CFAP47: variants seen among roughly 807,000 people sequenced by gnomAD.
CFAP47 encodes cilia- and flagella-associated protein 47.
Under a neutral mutation model 148.1 loss-of-function variants are expected in CFAP47, and 29 were observed. The ratio of observed to expected loss-of-function variants is 0.20; its 90% CI spans 0.15 to 0.27. The LOEUF is 0.27. CFAP47 is among the 10% of genes least tolerant of loss of function. The pLI is 1.00. For missense variants in CFAP47, 1,872 were observed against 1,697.5 expected (o/e 1.10, Z -1.81); for synonymous variants, 664 against 577.3 (o/e 1.15, Z -2.15).
rs138382744 is a variant in CFAP47 at position 36,310,219 on chromosome X, A to C, written c.8188-614A>C. On this transcript the variant is annotated intron_variant, in intron 55 of 63. Coordinates refer to ENST00000378653, the MANE Select transcript of CFAP47 (RefSeq NM_001304548.2). Reference sequence around the variant, plus strand: ...TATCCTAAAATACAAAGAGATTTTCAAACAGAGCTTTACATGCTAATGAAA... The same window carrying C: ...TATCCTAAAATACAAAGAGATTTTCCAACAGAGCTTTACATGCTAATGAAA... Among the ~76,000 whole-genome samples, 529 of 111,259 alleles carry C rather than the reference A, an allele frequency of 4.8e-3. 5 individuals carry two copies. The highest frequency in any genetic ancestry group is 0.016 in the African/African-American group (486 of 30,865).
intron 39 of CFAP47, among the ~76,000 whole-genome samples, chrX:36,173,219 T>C (rs1334662232): frequency 8.9e-6 from 1 of 111,820 alleles, no homozygotes; most frequent in African/African-American, 3.3e-5. Flanking sequence ...GCTAGCAGTC[T>C]ATCAATTTTG....
chrX:36,175,703 AG>A (rs1939664475), intron 39 of CFAP47, among the ~76,000 whole-genome samples: 1 of 112,202 alleles, frequency 8.9e-6, no homozygotes, highest in Non-Finnish European at 1.9e-5. Flanking sequence ...TTTTCTTCAA[AG>A]CTGTCAGACA....
intron 45 of CFAP47, among the ~76,000 whole-genome samples, chrX:36,208,205 T>C (rs1555989010): frequency 2.7e-5 from 3 of 112,136 alleles, no homozygotes. Flanking sequence ...AAATATTCAC[T>C]AATAATTAGC....
At chrX:36,113,172 T>G (rs1368967706) in intron 33 of CFAP47, among the ~76,000 whole-genome samples, 1 of 112,140 alleles carries the variant, frequency 8.9e-6, no homozygotes, top group Non-Finnish European at 1.9e-5. Context: ...GTTTGTGTGG[T>G]TGCTTTATAG....
intron 62 of CFAP47, among the ~76,000 whole-genome samples, chrX:36,368,851 A>T (rs782724008): frequency 9.0e-6 from 1 of 111,342 alleles, no homozygotes; most frequent in South Asian, 3.8e-4. Flanking sequence ...GTTATTATGT[A>T]TTTTTTCATA....
Position 36,047,029 on chromosome X carries a change from A to G in CFAP47, c.4183A>G (p.Thr1395Ala). The stretch of plus-strand genomic sequence containing the variant: ...GTCATCTAAACCTGTGTCATTTTTT[A>G]CCAATCTTCTTTTCTGTGATGACAG... The part of the protein sequence containing the change: ...FKSSKPVSFF[T>A]NLLFCDDRKN... The change falls in exon 26 of 64, where the codon ACC (threonine) becomes GCC (alanine). Residue 1395 changes from threonine (T) to alanine (A), a missense_variant. Thr to Ala is a moderately conservative substitution (Grantham distance 58). Transcript: ENST00000378653. The G allele has an allele frequency of 8.6e-7, 1 of 1,162,345 alleles. No individual in the cohort carries two copies. The highest frequency in any genetic ancestry group is 1.9e-5 in the South Asian group (1 of 52,490).
intron 62 of CFAP47, chrX:36,374,778 A>G: frequency 9.0e-6 from 6 of 669,057 alleles, no homozygotes; most frequent in African/African-American, 2.2e-5. Context: ...TTATTTGTAA[A>G]TATGTATTAC....
intron 37 of CFAP47, among the ~76,000 whole-genome samples, chrX:36,155,385 G>T (rs1202901026): frequency 9.0e-6 from 1 of 111,520 alleles, no homozygotes; most frequent in Admixed American, 9.6e-5. Context: ...ATGTCAATTG[G>T]TAGGCTTCAC....
chrX:36,060,599 C>T (rs989939326), intron 26 of CFAP47, among the ~76,000 whole-genome samples: 6 of 111,842 alleles, frequency 5.4e-5, no homozygotes, highest in African/African-American at 1.3e-4. Flanking sequence ...ATGGATCTCT[C>T]ATGTGATCTG....
intron 15 of CFAP47, among the ~76,000 whole-genome samples, chrX:35,978,654 G>T (rs759809996): frequency 9.0e-6 from 1 of 111,638 alleles, no homozygotes; most frequent in Admixed American, 9.5e-5. Context: ...AAAAGTGTTT[G>T]TAATTTGTAG....
intron 50 of CFAP47, 103 bp downstream of exon 50, chrX:36,280,733 A>T: frequency 3.0e-6 from 1 of 336,323 alleles, no homozygotes; most frequent in South Asian, 8.4e-5. Context: ...ACATATCCAA[A>T]TTTGTATTGC....
intron 3 of CFAP47, among the ~76,000 whole-genome samples, chrX:35,945,111 G>A (rs185309896): frequency 1.8e-5 from 2 of 111,435 alleles, no homozygotes; most frequent in Admixed American, 1.9e-4. Context: ...GGGAGGCCCT[G>A]GGTAAGGAAT....
intron 59 of CFAP47, 118 bp downstream of exon 59, chrX:36,350,250 T>A: frequency 1.2e-5 from 5 of 407,355 alleles, no homozygotes; most frequent in Non-Finnish European, 1.7e-5. Context: ...ACAGTCCTAC[T>A]GGTGGGCATT....
At chrX:36,025,931 AT>A (rs1360850231) in intron 22 of CFAP47, among the ~76,000 whole-genome samples, 6 of 111,768 alleles carry the variant, frequency 5.4e-5, no homozygotes, top group African/African-American at 2.0e-4. Flanking sequence ...TGTTAAATTT[AT>A]GGAAAATCTC....
intron 49 of CFAP47, 61 bp downstream of exon 49, chrX:36,251,505 T>G: frequency 2.3e-6 from 1 of 431,154 alleles, no homozygotes; most frequent in Non-Finnish European, 4.1e-6. Flanking sequence ...GGAAATATGA[T>G]GAGACAAATA....
In CFAP47 at chrX:36,046,988, G is replaced by A; in HGVS notation, c.4142G>A (p.Cys1381Tyr). The A allele has an allele frequency of 8.6e-7, 1 of 1,164,632 alleles. No individual in the cohort carries two copies. The highest frequency in any genetic ancestry group is 1.1e-6 in the Non-Finnish European group (1 of 871,330). The change falls in exon 26 of 64, where the codon TGC becomes TAC. Residue 1381 changes from cysteine to tyrosine, a missense_variant. Cys to Tyr is a radical substitution (Grantham distance 194). Coordinates refer to ENST00000378653, the MANE Select transcript of CFAP47 (RefSeq NM_001304548.2). ...SHSGINNKLT[C>Y]HLSFKSSKPV... ...AGTGGAATTAATAATAAGCTCACTT[G>A]CCACCTCAGTTTCAAGTCATCTAAA...
intron 26 of CFAP47, among the ~76,000 whole-genome samples, chrX:36,054,898 G>C (rs902401583): frequency 2.5e-4 from 27 of 109,309 alleles, no homozygotes; most frequent in Non-Finnish European, 3.4e-4. Context: ...TCAGCTTCCC[G>C]AGTACCTGGG....
intron 49 of CFAP47, among the ~76,000 whole-genome samples, chrX:36,279,097 G>A (rs1437743926): frequency 9.0e-6 from 1 of 111,334 alleles, no homozygotes; most frequent in Non-Finnish European, 1.9e-5. Flanking sequence ...TTAGATATCT[G>A]TCCTCTTCAA....
intron 49 of CFAP47, among the ~76,000 whole-genome samples, chrX:36,268,643 TTGTG>T (rs1197216230): frequency 8.9e-6 from 1 of 112,183 alleles, no homozygotes; most frequent in African/African-American, 3.2e-5. Flanking sequence ...CTCTCTTTCT[TTGTG>T]TGTGTATGTG....
Sources: allele counts gnomAD v4.1 joint callset (sites outside exome capture counted in the v4.1 genomes callset), GRCh38; gene constraint gnomAD v4.1.1; transcripts MANE v1.5; gene names NCBI Gene and HGNC (gene_info 2026-07-23, HGNC 2026-07-21).